The following PLA2R1 variants were observed in gnomAD, a reference collection of about 807,000 sequenced individuals.
PLA2R1 encodes secretory phospholipase A2 receptor.
A neutral mutation model predicts 195.9 loss-of-function variants in PLA2R1; 158 were observed. The observed-to-expected ratio is 0.81, with a 90% CI of 0.71 to 0.92. The LOEUF (loss-of-function observed/expected upper bound fraction) is 0.92. Ranked by LOEUF, PLA2R1 falls within the 40% of genes least tolerant of loss-of-function variation. The pLI is 0.00. For missense variants in PLA2R1, 1,626 were observed against 1,764.6 expected (o/e 0.92, Z 1.41); for synonymous variants, 586 against 598.2 (o/e 0.98, Z 0.30).
Position 160,002,192 on chromosome 2 carries a change from C to A in PLA2R1, c.1834+3460G>T, listed in dbSNP as rs79462986. Among the ~76,000 whole-genome samples the A allele has an allele frequency of 4.6e-3, 697 of 151,804 alleles. 7 individuals carry two copies. Among genetic ancestry groups the A allele is most frequent in the African/African-American group, 0.016 (665 of 41,480 alleles). ...ATTTTGGGAAATTAAAAAAAATCTTCTAAATAATTTATGGGTTGAAATCAT... is the reference window on the plus strand; with the variant it reads ...ATTTTGGGAAATTAAAAAAAATCTTATAAATAATTTATGGGTTGAAATCAT... On this transcript the variant is annotated intron_variant, in intron 11 of 29. Coordinates refer to ENST00000283243, the MANE Select transcript of PLA2R1 (RefSeq NM_007366.5).
intron 20 of PLA2R1, among the ~76,000 whole-genome samples, chr2:159,962,029 C>T (rs908563165): frequency 3.9e-5 from 6 of 152,104 alleles, no homozygotes; most frequent in African/African-American, 7.2e-5. Context: ...CCAAAATAGA[C>T]AAATGGGATC....
chr2:159,947,377 A>T (rs1298854894), intron 26 of PLA2R1, 42 bp downstream of exon 26: 8 of 1,546,164 alleles, frequency 5.2e-6, no homozygotes, highest in Non-Finnish European at 6.1e-6. Flanking sequence ...AATGGCAAGA[A>T]GGAGCACATG....
chr2:159,981,835 C>T (rs553372823), intron 13 of PLA2R1, among the ~76,000 whole-genome samples: 9 of 152,220 alleles, frequency 5.9e-5, no homozygotes, highest in African/African-American at 2.2e-4. Context: ...GCCACCACAC[C>T]CAGCTAATTT....
chr2:159,976,866 T>C (rs1689597154), intron 15 of PLA2R1, 146 bp from the exon 16 acceptor site: 1 of 668,070 alleles, frequency 1.5e-6, no homozygotes, highest in Non-Finnish European at 2.7e-6. Flanking sequence ...TTGGAATATA[T>C]GGTGAGTTCT....
chr2:159,973,629 C>T (rs1472435003), intron 17 of PLA2R1, among the ~76,000 whole-genome samples: 1 of 152,166 alleles, frequency 6.6e-6, no homozygotes, highest in African/African-American at 2.4e-5. Flanking sequence ...TTTCCAGCCT[C>T]CAGGACTGTG....
At chr2:159,977,067 A>G (rs181443210) in intron 15 of PLA2R1, among the ~76,000 whole-genome samples, 267 of 152,328 alleles carry the variant, frequency 1.8e-3, no homozygotes, top group Non-Finnish European at 2.5e-3. Flanking sequence ...AATATTCTGC[A>G]ATATTAGCTG....
chr2:159,992,046 TC>T lies in PLA2R1; in HGVS notation c.1835-4689del, dbSNP rs1362336467. Among the ~76,000 whole-genome samples, 25 of 131,790 alleles carry T rather than the reference TC, an allele frequency of 1.9e-4. No homozygotes were observed. In the South Asian group the frequency reaches 6.1e-3, roughly 32 times the overall value. The allele number at this position is 131,790 out of a possible 152,430, so 86.5% of individuals were successfully genotyped here. A position where few individuals can be genotyped will look rare whatever the true frequency, so the allele number is the denominator to read the frequency against. On this transcript the variant is annotated intron_variant, in intron 11 of 29. Transcript: ENST00000283243. ...TCCCTGAGGAATCGCCACACTGACT[TC>T]CACAATGGTTGAACTAGTTTACAGT...
At chr2:159,949,320 C>G (rs1345926704) in intron 25 of PLA2R1, among the ~76,000 whole-genome samples, 1 of 152,128 alleles carries the variant, frequency 6.6e-6, no homozygotes, top group Non-Finnish European at 1.5e-5. Flanking sequence ...CCCATCTACA[C>G]CCACCTATTT....
In PLA2R1 at chr2:159,987,389, C is replaced by G. The variant is rs1040875151; in HGVS notation, c.1835-31G>C. On this transcript the variant is annotated intron_variant, in intron 11 of 29. Coordinates refer to ENST00000283243, the MANE Select transcript of PLA2R1 (RefSeq NM_007366.5). ...AGCAGAAAACAAGCATTTTTAATAC[C>G]AGACGACTAAAACGTTTTGTGCTCA... 7 of 1,519,206 alleles carry G rather than the reference C, an allele frequency of 4.6e-6. No homozygotes were observed. In the African/African-American group the frequency reaches 9.6e-5, roughly 21 times the overall value. 94.1% of individuals were successfully genotyped at this position (1,519,206 alleles called of 1,614,324 possible).
chr2:159,974,713 A>T (rs754714843), intron 17 of PLA2R1, among the ~76,000 whole-genome samples: 1 of 151,268 alleles, frequency 6.6e-6, no homozygotes, highest in African/African-American at 2.5e-5. Flanking sequence ...ATGATGGGGA[A>T]AATTCCACAT....
chr2:159,952,666 A>T (rs189001702), intron 23 of PLA2R1, among the ~76,000 whole-genome samples: 1 of 152,334 alleles, frequency 6.6e-6, no homozygotes, highest in Non-Finnish European at 1.5e-5. Flanking sequence ...TATGGTCTAC[A>T]AGAGATGATG....
intron 17 of PLA2R1, among the ~76,000 whole-genome samples, chr2:159,972,192 A>G (rs2105252546): frequency 6.6e-6 from 1 of 152,320 alleles, no homozygotes; most frequent in South Asian, 2.1e-4. Flanking sequence ...TAACCTCCAC[A>G]TGGCACATCA....
chr2:160,045,797 C>T (rs1694821740), intron 1 of PLA2R1, among the ~76,000 whole-genome samples: 2 of 152,122 alleles, frequency 1.3e-5, no homozygotes, highest in Non-Finnish European at 2.9e-5. Context: ...CTGGGTGGGG[C>T]AGGCAGAAGC....
intron 6 of PLA2R1, among the ~76,000 whole-genome samples, chr2:160,024,064 G>C (rs960746791): frequency 6.6e-6 from 1 of 152,116 alleles, no homozygotes; most frequent in Non-Finnish European, 1.5e-5. Context: ...CCCATTTGAG[G>C]GAGCTGCCTG....
At chr2:160,016,016 G>A (rs2715943) in intron 9 of PLA2R1, among the ~76,000 whole-genome samples, 109,792 of 151,644 alleles carry the variant, frequency 0.72, 40,196 homozygotes, top group East Asian at 0.87. Flanking sequence ...TGTAATCCCG[G>A]TACTTTGGGA....
chr2:160,032,901 A>G (rs1693945122), intron 4 of PLA2R1, 58 bp downstream of exon 4: 2 of 1,184,794 alleles, frequency 1.7e-6, no homozygotes, highest in Non-Finnish European at 2.4e-6. Context: ...ATATGTGAAA[A>G]CAGTTAACAA....
rs764704528 is a variant in PLA2R1, at chr2:159,951,580, T to C, written c.3302-2A>G. 1.4e-5 allele frequency: 21 copies of C among 1,450,448 alleles called. No individual in the cohort carries two copies. The highest frequency in any genetic ancestry group is 2.0e-5 in the Non-Finnish European group (21 of 1,028,850). 89.8% of individuals were successfully genotyped at this position (1,450,448 alleles called of 1,614,324 possible). On this transcript the variant is annotated splice_acceptor_variant, in intron 23 of 29. Transcript: ENST00000283243. LOFTEE classifies it high-confidence loss of function. ...TATTTACACCGTGTCCAGAAGTATC[T>C]AGAACAAGAACAGCAACAAAAGTCA...
intron 15 of PLA2R1, 129 bp downstream of exon 15, chr2:159,977,155 T>A: frequency 1.5e-6 from 1 of 682,280 alleles, no homozygotes; most frequent in East Asian, 2.7e-5. Flanking sequence ...GAAACATTTT[T>A]TGCTAAAGTA....
At chr2:160,014,090 T>A (rs1039931) in intron 9 of PLA2R1, among the ~76,000 whole-genome samples, 1 of 151,860 alleles carries the variant, frequency 6.6e-6, no homozygotes, top group Non-Finnish European at 1.5e-5. Context: ...CTGAGATTCA[T>A]TGAGATTAGG....
Sources: gnomAD v4.1 joint callset for allele counts (sites outside exome capture counted in the v4.1 genomes callset) on GRCh38, gnomAD v4.1.1 for gene constraint, MANE v1.5 for transcripts, NCBI Gene and HGNC (gene_info 2026-07-23, HGNC 2026-07-21) for gene names.